NTN1: variants seen among roughly 807,000 people sequenced by gnomAD.
NTN1 encodes netrin 1.
A neutral mutation model predicts 54.2 loss-of-function variants in NTN1; 11 were observed. The ratio of observed to expected loss-of-function variants is 0.20; its 90% CI spans 0.13 to 0.34. The LOEUF (loss-of-function observed/expected upper bound fraction) is 0.34, where lower values mean the gene tolerates loss of function less well. NTN1 is among the 10% of genes least tolerant of loss of function. NTN1 has a pLI of 1.00. For synonymous variants in NTN1, 371 were observed against 382.0 expected, an observed-to-expected ratio of 0.97 and a Z score of 0.33; for missense variants, 740 against 893.1, an observed-to-expected ratio of 0.83 and a Z score of 2.18.
rs959920084 is a variant in NTN1 at position 9,165,009 on chromosome 17, C to T, written c.1207+2008C>T. 1.3e-5 allele frequency among the ~76,000 whole-genome samples: 2 copies of T among 152,180 alleles called. No homozygotes were observed. The highest frequency in any genetic ancestry group is 2.4e-5 in the African/African-American group (1 of 41,442). On this transcript the variant is annotated intron_variant, in intron 3 of 6. Coordinates refer to ENST00000173229, the MANE Select transcript of NTN1 (RefSeq NM_004822.3). The surrounding 1 kb of genome is among the most constrained non-coding windows in gnomAD (Gnocchi z 4.5). ...TGTGCCCAGAGTGTTTGTTGTCTCTCTTTTACAGAAGAAATGGAGGCCAGG... is the reference window on the plus strand; with the variant it reads ...TGTGCCCAGAGTGTTTGTTGTCTCTTTTTTACAGAAGAAATGGAGGCCAGG...
At chr17:9,164,723 C>T (rs571579996) in intron 3 of NTN1, among the ~76,000 whole-genome samples, 5 of 152,074 alleles carry the variant, frequency 3.3e-5, no homozygotes, top group South Asian at 4.2e-4. Flanking sequence ...TCTGTGTCTG[C>T]GGACTTACGG....
intron 1 of NTN1, 65 bp from the exon 2 acceptor site, chr17:9,022,245 GC>G: frequency 9.3e-7 from 1 of 1,070,032 alleles, no homozygotes; most frequent in Non-Finnish European, 1.2e-6. Flanking sequence ...ATCTCCGCTC[GC>G]CACCCCGCCG....
chr17:9,155,301 A>T (rs1389675126), intron 2 of NTN1, among the ~76,000 whole-genome samples: 1 of 151,548 alleles, frequency 6.6e-6, no homozygotes, highest in Non-Finnish European at 1.5e-5. Context: ...TTGTTGAAGG[A>T]GTTAATGACA....
intron 2 of NTN1, among the ~76,000 whole-genome samples, chr17:9,139,039 C>A (rs1443896648): frequency 2.0e-5 from 3 of 152,106 alleles, no homozygotes; most frequent in Admixed American, 6.5e-5. Flanking sequence ...AGTCTCTGGA[C>A]ACCATGGAGG....
At chr17:9,069,442 A>G (rs1201643794) in intron 2 of NTN1, among the ~76,000 whole-genome samples, 4 of 152,184 alleles carry the variant, frequency 2.6e-5, no homozygotes, top group Non-Finnish European at 4.4e-5. Context: ...GTATTTCGTA[A>G]TGAGGAAACC....
chr17:9,242,025 G>C lies in NTN1; in HGVS notation c.*2057G>C, dbSNP rs1315063015. 3 of 152,444 alleles carry C rather than the reference G, an allele frequency of 2.0e-5. No homozygotes were observed. Among genetic ancestry groups the C allele is most frequent in the Admixed American group, 6.5e-5 (1 of 15,288 alleles). The allele number at this position is 152,444 out of a possible 1,614,324, so 9.4% of individuals were successfully genotyped here. Reference sequence around the variant, plus strand: ...GGCTGGAGAACAGGAGCCCGGGGTGGGGTAGGGCATGGGGACAATCACATC... The same window carrying C: ...GGCTGGAGAACAGGAGCCCGGGGTGCGGTAGGGCATGGGGACAATCACATC... On this transcript the variant is annotated 3_prime_UTR_variant, in exon 7 of 7. Coordinates refer to ENST00000173229, the MANE Select transcript of NTN1 (RefSeq NM_004822.3).
chr17:9,193,938 A>AAAAAAAC (rs1555575004), intron 5 of NTN1, among the ~76,000 whole-genome samples: 24,625 of 105,340 alleles, frequency 0.23, 4,852 homozygotes, highest in Middle Eastern at 0.38. Context: ...AAAAAAAAAA[A>AAAAAAAC]AAAAAACATT....
At chr17:9,187,813 A>G (rs192736182) in intron 5 of NTN1, among the ~76,000 whole-genome samples, 1 of 151,340 alleles carries the variant, frequency 6.6e-6, no homozygotes, top group East Asian at 1.9e-4. Flanking sequence ...CCTGGGTGAC[A>G]GATTAAGACC....
intron 6 of NTN1, among the ~76,000 whole-genome samples, chr17:9,227,659 C>CACACCATCACACAA (rs1283329850): frequency 8.9e-5 from 2 of 22,498 alleles, no homozygotes; most frequent in African/African-American, 4.4e-4. Flanking sequence ...CCATCACATA[C>CACACCATCACACAA]CACACACATC....
chr17:9,150,331 G>C (rs1218191975), intron 2 of NTN1, among the ~76,000 whole-genome samples: 4 of 152,220 alleles, frequency 2.6e-5, no homozygotes, highest in African/African-American at 9.6e-5. Flanking sequence ...GGCAGCCATG[G>C]AAGGTTCCAG....
At chr17:9,010,921 C>T in the NTN1 span, among the ~76,000 whole-genome samples, 2 of 152,006 alleles carry the variant, frequency 1.3e-5, no homozygotes, top group South Asian at 4.2e-4. Context: ...GATAATTATA[C>T]AATTCACCAT....
intron 2 of NTN1, among the ~76,000 whole-genome samples, chr17:9,028,301 G>A (rs936156852): frequency 6.6e-6 from 1 of 152,202 alleles, no homozygotes; most frequent in Non-Finnish European, 1.5e-5. Flanking sequence ...GTTGACATGA[G>A]TCAGCAGCAC....
At chr17:9,149,277 C>T (rs916289533) in intron 2 of NTN1, among the ~76,000 whole-genome samples, 3 of 151,822 alleles carry the variant, frequency 2.0e-5, no homozygotes, top group Admixed American at 1.3e-4. Flanking sequence ...CCACACACAC[C>T]CTGCTGCCAC....
intron 2 of NTN1, among the ~76,000 whole-genome samples, chr17:9,027,942 C>T (rs914931495): frequency 5.9e-5 from 9 of 151,966 alleles, no homozygotes; most frequent in African/African-American, 1.7e-4. Flanking sequence ...TGGCCAACAT[C>T]GTGAAACCCC....
At chr17:9,067,555 G>C (rs2092019237) in intron 2 of NTN1, among the ~76,000 whole-genome samples, 1 of 152,174 alleles carries the variant, frequency 6.6e-6, no homozygotes, top group African/African-American at 2.4e-5. Flanking sequence ...AGCCACCAGA[G>C]CTGCCTTCCT....
At chr17:9,131,466 A>C (rs970379078) in intron 2 of NTN1, among the ~76,000 whole-genome samples, 4 of 151,752 alleles carry the variant, frequency 2.6e-5, no homozygotes, top group Admixed American at 1.3e-4. Flanking sequence ...AGTGCATCCT[A>C]TGTATCCTAT....
chr17:9,130,122 C>T (rs1317014758), intron 2 of NTN1, among the ~76,000 whole-genome samples: 1 of 152,122 alleles, frequency 6.6e-6, no homozygotes, highest in Non-Finnish European at 1.5e-5. Flanking sequence ...TCAGGGTAGT[C>T]AGTGGCTGTC....
Position 9,022,354 on chromosome 17 carries a change from CG to C in NTN1, c.-16del. The C allele has an allele frequency of 7.8e-7, 1 of 1,282,368 alleles. No individual in the cohort carries two copies. Among genetic ancestry groups the C allele is most frequent in the South Asian group, 2.8e-5 (1 of 35,898 alleles). 79.4% of individuals were successfully genotyped at this position (1,282,368 alleles called of 1,614,324 possible). On this transcript the variant is annotated 5_prime_UTR_variant, in exon 2 of 7. Transcript: ENST00000173229. ...GGACAGATCCTCGGCGCGGCAGGGC[CG>C]GGGCAAGCTGGACGCAGCATGATGC...
chr17:9,139,256 T>G (rs1270862002), intron 2 of NTN1, among the ~76,000 whole-genome samples: 2 of 151,938 alleles, frequency 1.3e-5, no homozygotes, highest in Non-Finnish European at 2.9e-5. Flanking sequence ...ATAAATGAGG[T>G]GCTTTAGGCC....
Sources: gnomAD v4.1 joint callset for allele counts (sites outside exome capture counted in the v4.1 genomes callset) on GRCh38, gnomAD v4.1.1 for gene constraint, Gnocchi (gnomAD v3.1) non-coding constraint, MANE v1.5 for transcripts, NCBI Gene and HGNC (gene_info 2026-07-23, HGNC 2026-07-21) for gene names.